TTN: variants seen among roughly 807,000 people sequenced by gnomAD.
TTN encodes connectin.
In TTN, 1,525 loss-of-function variants were observed where a neutral mutation model predicts 3,223.0. That is an observed-to-expected ratio of 0.47 (90% confidence interval 0.45 to 0.49). The LOEUF (loss-of-function observed/expected upper bound fraction) is 0.49. TTN is among the 20% of genes least tolerant of loss of function. The pLI is 0.00. For missense variants in TTN, 40,786 were observed against 43,424.0 expected, an observed-to-expected ratio of 0.94 and a Z score of 5.40; for synonymous variants, 14,094 against 15,161.0, an observed-to-expected ratio of 0.93 and a Z score of 5.17.
At position 178,557,248 on chromosome 2, in the gene TTN, C is replaced by A. The variant is rs148231754; in HGVS notation, c.88009+5G>T. On this transcript the variant is annotated splice_donor_5th_base_variant and intron_variant, in intron 329 of 362. Coordinates refer to ENST00000589042, the MANE Select transcript of TTN (RefSeq NM_001267550.2). ...AGAACTGCCCTTCCCATGACAAATACGTACCACAAGCATCAATTGCCAAGA... is the reference window on the plus strand; with the variant it reads ...AGAACTGCCCTTCCCATGACAAATAAGTACCACAAGCATCAATTGCCAAGA... 3 of 1,613,764 alleles carry A rather than the reference C, an allele frequency of 1.9e-6. No individual in the cohort carries two copies. The highest frequency in any genetic ancestry group is 4.5e-5 in the East Asian group (2 of 44,774).
intron 49 of TTN, 115 bp downstream of exon 49, chr2:178,737,967 T>C (rs2081820310): frequency 7.4e-7 from 1 of 1,349,522 alleles, no homozygotes; most frequent in Non-Finnish European, 1.0e-6. Context: ...GTTACTGTCT[T>C]GGTTGTTGGT....
chr2:178,781,373 A>G, intron 20 of TTN, 110 bp from the exon 21 acceptor site: 1 of 1,241,926 alleles, frequency 8.1e-7, no homozygotes, highest in African/African-American at 1.5e-5. Flanking sequence ...CAATGACCCT[A>G]AACATATGAC....
In TTN at chr2:178,748,194, G is replaced by A. The variant is rs770663802; in HGVS notation, c.11311+4930C>T. 39 of 1,612,972 alleles carry A rather than the reference G, an allele frequency of 2.4e-5. No homozygotes were observed. The highest frequency in any genetic ancestry group is 3.2e-5 in the Non-Finnish European group (38 of 1,179,508). On this transcript the variant is annotated intron_variant, in intron 47 of 362. Coordinates refer to ENST00000589042, the MANE Select transcript of TTN (RefSeq NM_001267550.2). ...TCTATATCTGCAGATGAGGTTGGAA[G>A]TAGGGCACATGATTCACTATAGATT...
At position 178,574,031 on chromosome 2, in the gene TTN, T is replaced by G; in HGVS notation, c.72101A>C (p.Lys24034Thr). Residue 24034 changes from lysine (K) to threonine (T), a missense_variant, in exon 326 of 363, where the codon AAA becomes ACA. Lys to Thr is a moderately conservative substitution (Grantham distance 78). Transcript: ENST00000589042. ...TTTTAATATAACCGTGTCCTTAAAT[T>G]TAACATCCACCTTTATCTTTGGTGC... ...VEAPKIKVDV[K>T]FKDTVILKAG... 6.2e-7 allele frequency: 1 copy of G among 1,613,468 alleles called. No homozygotes were observed. The highest frequency in any genetic ancestry group is 8.5e-7 in the Non-Finnish European group (1 of 1,179,608).
rs565176987 is a variant in TTN, at chr2:178,587,765, T to C, written c.63544A>G (p.Lys21182Glu). 5 of 1,606,772 alleles carry C rather than the reference T, an allele frequency of 3.1e-6. No individual in the cohort carries two copies. The East Asian group carries it at 1.1e-4, about 36-fold the overall frequency. Residue 21182 changes from lysine to glutamate, a missense_variant, in exon 306 of 363, where the codon AAA becomes GAA. Transcript: ENST00000589042. ...PEIDLDASMR[K>E]LVIVRAGCPI... ...CATCCTGCTCTCACTATGACCAGTT[T>C]CCTCATGCTGGCATCCAAATCAATC...
At chr2:178,772,858 G>A in intron 33 of TTN, 1 of 520,922 alleles carries the variant, frequency 1.9e-6, no homozygotes, top group East Asian at 3.3e-5. Flanking sequence ...GGGGTTGGAT[G>A]AGGAAGAGAT....
chr2:178,700,829 T>C (rs2074829460), intron 111 of TTN, among the ~76,000 whole-genome samples: 1 of 145,036 alleles, frequency 6.9e-6, no homozygotes, highest in African/African-American at 2.8e-5. Flanking sequence ...TTGTTATACA[T>C]AGTAGTTAGG....
chr2:178,611,274 G>A lies in TTN; in HGVS notation c.50858-3C>T, dbSNP rs587782987. On this transcript the variant is annotated splice_polypyrimidine_tract_variant and splice_region_variant and intron_variant, in intron 269 of 362. Coordinates refer to ENST00000589042, the MANE Select transcript of TTN (RefSeq NM_001267550.2). ...CTCCAGGTCAATTGTTGGCTTGCCT[G>A]TAAGATATCATTCAAAAGAGCAAAA... is the stretch of plus-strand genomic sequence containing the variant. The A allele has an allele frequency of 8.6e-5, 138 of 1,611,342 alleles. No homozygotes were observed. The highest frequency in any genetic ancestry group is 1.2e-4 in the Admixed American group (7 of 59,642).
chr2:178,532,528 G>A lies in TTN; in HGVS notation c.104087C>T (p.Pro34696Leu). The A allele has an allele frequency of 1.2e-6, 2 of 1,613,948 alleles. No homozygotes were observed. The highest frequency in any genetic ancestry group is 1.7e-6 in the Non-Finnish European group (2 of 1,179,870). The change falls in exon 358 of 363, where the codon CCA (proline) becomes CTA (leucine). Residue 34696 changes from proline (P) to leucine (L), a missense_variant. By Grantham distance (98) the Pro-to-Leu change is moderately conservative. Transcript: ENST00000589042. ...CTCAAAGTGTGGAGGGCTTCGACTTGGGGGTGAAGCTGAAAAACCTAACTC... is the reference window on the plus strand; with the variant it reads ...CTCAAAGTGTGGAGGGCTTCGACTTAGGGGTGAAGCTGAAAAACCTAACTC... ...ELELGFSASP[P>L]SRSPPHFELS...
chr2:178,665,261 A>C (rs1353689137), intron 165 of TTN, 116 bp downstream of exon 165: 1 of 1,050,392 alleles, frequency 9.5e-7, no homozygotes, highest in African/African-American at 1.6e-5. Flanking sequence ...TCAGACACTT[A>C]AAAGATATTA....
At position 178,539,692 on chromosome 2, in the gene TTN, C is replaced by A; in HGVS notation, c.98373G>T (p.Arg32791Ser). The change falls in exon 352 of 363, where the codon AGG (arginine) becomes AGT (serine). Residue 32791 changes from arginine (R) to serine (S), a missense_variant. Arg to Ser is a moderately radical substitution (Grantham distance 110). Transcript: ENST00000589042. ...CTGGACTGTTGGGACTTCCTATCAC[C>A]CTGACCTTGATGTAGACAGCCTTCT... ...CGKKAVYIKV[R>S]VIGSPNSPEG... 1 of 1,613,728 alleles carries A rather than the reference C, an allele frequency of 6.2e-7. No individual in the cohort carries two copies.
intron 360 of TTN, 45 bp downstream of exon 360, chr2:178,528,483 G>A: frequency 6.3e-7 from 1 of 1,596,236 alleles, no homozygotes; most frequent in Admixed American, 1.7e-5. Context: ...TGGAAGACAT[G>A]GTATTTTAGT....
chr2:178,748,251 T>G, intron 47 of TTN: 5 of 1,612,966 alleles, frequency 3.1e-6, no homozygotes, highest in Non-Finnish European at 4.2e-6. Flanking sequence ...GAAAGATCAG[T>G]TTTTAAAATG....
chr2:178,590,751 A>G lies in TTN; in HGVS notation c.60974T>C (p.Ile20325Thr). Residue 20325 changes from isoleucine to threonine, a missense_variant, in exon 304 of 363, where the codon ATC (isoleucine) becomes ACC (threonine). Coordinates refer to ENST00000589042, the MANE Select transcript of TTN (RefSeq NM_001267550.2). Reference protein sequence around the residue: ...GKWVRVNKTPIADLKFRVTGL... With the variant: ...GKWVRVNKTPTADLKFRVTGL... ...AGTCACTCTGAACTTCAGGTCAGCG[A>G]TAGGTGTTTTGTTGACCCTCACCCA... 3.1e-6 allele frequency: 5 copies of G among 1,610,356 alleles called. No homozygotes were observed. The South Asian group carries it at 5.5e-5, about 18-fold the overall frequency.
chr2:178,621,649 C>T lies in TTN; in HGVS notation c.45175G>A (p.Ala15059Thr), dbSNP rs144668626. Residue 15059 changes from alanine (A) to threonine (T), a missense_variant, in exon 245 of 363, where the codon GCA (alanine) becomes ACA (threonine). By Grantham distance (58) the Ala-to-Thr change is moderately conservative. Transcript: ENST00000589042. ...KLVCEVSKPG[A>T]EVIWYKGDEE... The stretch of plus-strand genomic sequence containing the variant: ...TCCCCTTTATACCAAATCACTTCTG[C>T]GCCAGGTTTGGAGACTTCACAAACC... The T allele has an allele frequency of 1.9e-3, 3,008 of 1,612,382 alleles. 34 individuals carry two copies. The highest frequency in any genetic ancestry group is 0.016 in the South Asian group (1,426 of 91,046).
rs1708577047 is a variant in TTN, at chr2:178,572,470, A to G, written c.73662T>C (p.Tyr24554=). ...TTGTTGATTCCCGCTTTTCAACAAT[A>G]TAGTTCTTGATTTTTGAACCTCCAT... ...LLDGGSKIKN[Y]IVEKRESTRK... is the part of the protein sequence containing the mutation. Residue 24554 remains tyrosine (Y), a synonymous_variant, in exon 326 of 363, where the codon TAT becomes TAC. Coordinates refer to ENST00000589042, the MANE Select transcript of TTN (RefSeq NM_001267550.2). The G allele has an allele frequency of 6.2e-7, 1 of 1,612,910 alleles. No homozygotes were observed. Among genetic ancestry groups the G allele is most frequent in the Non-Finnish European group, 8.5e-7 (1 of 1,179,350 alleles).
Position 178,537,796 on chromosome 2 carries a change from A to AATTT in TTN, c.99410_99411insAAAT (p.Phe33137LeufsTer4). The stretch of plus-strand genomic sequence containing the variant: ...TCCGGCTTTGTATGAGCTCTTTACC[A>AATTT]AATCTGTACCATTTAATGTCAGGAA... On this transcript the variant is annotated frameshift_variant, in exon 355 of 363. Transcript: ENST00000589042. LOFTEE classifies it high-confidence loss of function. 6.2e-7 allele frequency: 1 copy of AATTT among 1,613,764 alleles called. No homozygotes were observed. Among genetic ancestry groups the AATTT allele is most frequent in the Non-Finnish European group, 8.5e-7 (1 of 1,179,774 alleles).
chr2:178,527,954 C>T, intron 361 of TTN: 1 of 552,280 alleles, frequency 1.8e-6, no homozygotes, highest in Non-Finnish European at 3.1e-6. Flanking sequence ...CCTTATATTT[C>T]TATCATTACA....
At chr2:178,777,674 G>T in intron 25 of TTN, 30 bp downstream of exon 25, 1 of 1,613,790 alleles carries the variant, frequency 6.2e-7, no homozygotes, top group South Asian at 1.1e-5. Context: ...GTGTTTTTAT[G>T]ATTCATGAGC....
Sources: gnomAD v4.1 joint callset for allele counts (sites outside exome capture counted in the v4.1 genomes callset) on GRCh38, gnomAD v4.1.1 for gene constraint, MANE v1.5 for transcripts, NCBI Gene and HGNC (gene_info 2026-07-23, HGNC 2026-07-21) for gene names.